Variants in ITGB5 observed in about 807,000 individuals in gnomAD.
ITGB5 encodes the protein integrin subunit beta 5, also known as integrin beta-5.
ITGB5 carries 38 observed loss-of-function variants against 84.8 expected under a neutral mutation model. That is an observed-to-expected ratio of 0.45 (90% CI 0.35 to 0.59). The LOEUF is 0.59. Among genes scored for constraint, ITGB5 ranks in the 20% least tolerant of loss-of-function variants. ITGB5 has a pLI of 0.01. For missense variants in ITGB5, 905 were observed against 1,034.5 expected (o/e 0.87, Z 1.72); for synonymous variants, 393 against 414.4 (o/e 0.95, Z 0.63).
At chr3:124,790,773 T>C (rs1313211888) in intron 10 of ITGB5, among the ~76,000 whole-genome samples, 1 of 151,982 alleles carries the variant, frequency 6.6e-6, no homozygotes, top group African/African-American at 2.4e-5. Flanking sequence ...GCCTGCCACA[T>C]AGTAATAAAA....
At chr3:124,813,059 C>T (rs1038668828) in intron 8 of ITGB5, among the ~76,000 whole-genome samples, 1 of 152,150 alleles carries the variant, frequency 6.6e-6, no homozygotes, top group African/African-American at 2.4e-5. Flanking sequence ...TGGCCGGATG[C>T]GGAGCAGGTG....
At chr3:124,818,893 A>C (rs558902491) in intron 7 of ITGB5, among the ~76,000 whole-genome samples, 54 of 152,116 alleles carry the variant, frequency 3.5e-4, no homozygotes, top group Non-Finnish European at 6.8e-4. Flanking sequence ...AAGGAGAGGG[A>C]ACTATGGCCA....
chr3:124,808,531 G>A (rs771531966), intron 9 of ITGB5, among the ~76,000 whole-genome samples: 59 of 152,220 alleles, frequency 3.9e-4, no homozygotes, highest in Non-Finnish European at 6.0e-4. Context: ...ATCTGGACAA[G>A]GCATCTGTGT....
At position 124,764,328 on chromosome 3, in the gene ITGB5, G is replaced by A. The variant is rs112556667; in HGVS notation, c.2304+63C>T. 5.0e-3 allele frequency: 7,658 copies of A among 1,529,044 alleles called. 310 individuals are homozygous for A. The African/African-American group carries it at 0.088, about 18-fold the overall frequency. The allele number at this position is 1,529,044 out of a possible 1,614,324, so 94.7% of individuals were successfully genotyped here. ...AGTGAGCCTCTATTGCTAACATACC[G>A]CTGAACTCAACCACGCCTCTGAGCT... is the stretch of plus-strand genomic sequence containing the variant. On this transcript the variant is annotated intron_variant, in intron 14 of 14. Coordinates refer to ENST00000296181, the MANE Select transcript of ITGB5 (RefSeq NM_002213.5).
At chr3:124,803,583 T>C (rs1190949717) in intron 9 of ITGB5, among the ~76,000 whole-genome samples, 1 of 152,136 alleles carries the variant, frequency 6.6e-6, no homozygotes, top group African/African-American at 2.4e-5. Flanking sequence ...GGAACGGCCT[T>C]GGTTTGGCTT....
At chr3:124,853,011 T>A (rs2065177468) in intron 3 of ITGB5, among the ~76,000 whole-genome samples, 1 of 152,218 alleles carries the variant, frequency 6.6e-6, no homozygotes, top group Non-Finnish European at 1.5e-5. Flanking sequence ...AATTTTTATT[T>A]ATTTTTTCTT....
intron 2 of ITGB5, among the ~76,000 whole-genome samples, chr3:124,863,969 T>TA (rs1451042121): frequency 4.4e-5 from 3 of 68,884 alleles, no homozygotes; most frequent in East Asian, 4.0e-4. Flanking sequence ...TAGTTTAAGG[T>TA]AAAAAAAGAA....
chr3:124,768,720 T>C (rs80002617), intron 12 of ITGB5, among the ~76,000 whole-genome samples: 3,207 of 152,344 alleles, frequency 0.021, 129 homozygotes, highest in African/African-American at 0.073. Flanking sequence ...TACGTATTTT[T>C]ACATGGACAT....
At chr3:124,835,825 G>C (rs1191272704) in intron 5 of ITGB5, among the ~76,000 whole-genome samples, 1 of 152,204 alleles carries the variant, frequency 6.6e-6, no homozygotes, top group Non-Finnish European at 1.5e-5. Flanking sequence ...AGCTGGGAGG[G>C]AGCAAGAGGA....
rs1433598678 is a variant in ITGB5, at chr3:124,873,505, C to A, written c.97G>T (p.Ala33Ser). The A allele has an allele frequency of 1.2e-6, 2 of 1,613,638 alleles. No homozygotes were observed. The highest frequency in any genetic ancestry group is 3.3e-5 in the Admixed American group (2 of 59,982). Residue 33 changes from alanine (A) to serine (S), a missense_variant, in exon 2 of 15, where the codon GCC becomes TCC. Ala to Ser is a moderately conservative substitution (Grantham distance 99). Around this residue, in one of 3 missense-constraint regions of ITGB5, gnomAD observed 656 missense variants for 734.7 expected, o/e 0.89. Coordinates refer to ENST00000296181, the MANE Select transcript of ITGB5 (RefSeq NM_002213.5). ...AGLNICTSGS[A>S]TSCEECLLIH... ...AGCAGACATTCTTCACATGAGGTGG[C>A]ACTTCCACTAGTGCATATGTTGAGA...
chr3:124,854,851 C>A, intron 3 of ITGB5, among the ~76,000 whole-genome samples: 1 of 152,142 alleles, frequency 6.6e-6, no homozygotes. Context: ...CTGAGACTTA[C>A]CTTGGAACAA....
upstream of ITGB5, among the ~76,000 whole-genome samples, chr3:124,891,638 T>C (rs1336584582): frequency 6.8e-6 from 1 of 147,964 alleles, no homozygotes; most frequent in Non-Finnish European, 1.5e-5. Context: ...CATTCTGACA[T>C]GCAGCTGGGA....
At position 124,768,398 on chromosome 3, in the gene ITGB5, G is replaced by A. The variant is rs140034426; in HGVS notation, c.2017+615C>T. On this transcript the variant is annotated intron_variant, in intron 12 of 14. Coordinates refer to ENST00000296181, the MANE Select transcript of ITGB5 (RefSeq NM_002213.5). Reference sequence around the variant, plus strand: ...CACAGAAAGAAATCCACACCTGTTAGTAGTCAATGCCAATTTTCCCTTCTC... The same window carrying A: ...CACAGAAAGAAATCCACACCTGTTAATAGTCAATGCCAATTTTCCCTTCTC... Among the ~76,000 whole-genome samples the A allele has an allele frequency of 2.5e-3, 381 of 152,302 alleles. 3 individuals are homozygous for A. Among genetic ancestry groups the A allele is most frequent in the African/African-American group, 8.4e-3 (348 of 41,566 alleles).
intron 1 of ITGB5, 45 bp downstream of exon 1, chr3:124,886,886 G>C: frequency 8.5e-7 from 1 of 1,170,656 alleles, no homozygotes; most frequent in South Asian, 4.2e-5. Flanking sequence ...CCGCGGCTGA[G>C]TGTGCGACAA....
At chr3:124,809,217 C>T in intron 8 of ITGB5, 61 bp from the exon 9 acceptor site, 1 of 1,589,108 alleles carries the variant, frequency 6.3e-7, no homozygotes, top group Non-Finnish European at 8.6e-7. Flanking sequence ...GAGGTGCTCC[C>T]ACACTGGTTT....
chr3:124,841,798 T>C (rs1052979508), intron 4 of ITGB5, among the ~76,000 whole-genome samples: 4 of 152,208 alleles, frequency 2.6e-5, no homozygotes, highest in African/African-American at 7.2e-5. Flanking sequence ...TATGGACAAA[T>C]TGTTCAAAGG....
Position 124,809,108 on chromosome 3 carries a change from G to T in ITGB5, c.1177C>A (p.Leu393Ile). Residue 393 changes from leucine (L) to isoleucine (I), a missense_variant, in exon 9 of 15, where the codon CTT (leucine) becomes ATT (isoleucine). Physicochemically the swap from Leu to Ile is conservative, Grantham distance 5. Coordinates refer to ENST00000296181, the MANE Select transcript of ITGB5 (RefSeq NM_002213.5). ...ELSVWDQPEDLNLFFTATCQD... is the reference protein window; with the variant it reads ...ELSVWDQPEDINLFFTATCQD... ...CAGGTAGCAGTAAAGAAGAGATTAA[G>T]ATCCTCAGGCTGATCCCAGACTGAC... The T allele has an allele frequency of 6.2e-7, 1 of 1,614,046 alleles. No homozygotes were observed. The highest frequency in any genetic ancestry group is 8.5e-7 in the Non-Finnish European group (1 of 1,179,950).
chr3:124,777,626 A>C (rs2063943639), intron 10 of ITGB5, among the ~76,000 whole-genome samples: 1 of 152,114 alleles, frequency 6.6e-6, no homozygotes, highest in African/African-American at 2.4e-5. Context: ...TCCTCATAGG[A>C]GTCTTCTCCA....
chr3:124,849,658 A>G (rs1466624536), intron 3 of ITGB5, among the ~76,000 whole-genome samples: 2 of 152,206 alleles, frequency 1.3e-5, no homozygotes, highest in Non-Finnish European at 2.9e-5. Flanking sequence ...ACAATAAGAT[A>G]GCCAACAGGC....
Sources: gnomAD v4.1 joint callset for allele counts (sites outside exome capture counted in the v4.1 genomes callset) on GRCh38, gnomAD v4.1.1 for gene constraint, gnomAD v4.1.1 regional missense constraint, MANE v1.5 for transcripts, NCBI Gene and HGNC (gene_info 2026-07-23, HGNC 2026-07-21) for gene names.